PCDH15: variants seen among roughly 807,000 people sequenced by gnomAD.
PCDH15 encodes protocadherin-15.
Under a neutral mutation model 178.5 loss-of-function variants are expected in PCDH15, and 129 were observed. The ratio of observed to expected loss-of-function variants is 0.72; its 90% confidence interval spans 0.63 to 0.84. The LOEUF (loss-of-function observed/expected upper bound fraction) is 0.84, where lower values mean the gene tolerates loss of function less well. PCDH15 is among the 40% of genes least tolerant of loss of function. The pLI, the probability that PCDH15 is intolerant of heterozygous loss-of-function variation, is 0.00. For missense variants in PCDH15, 2,230 were observed against 2,099.9 expected (o/e 1.06, Z -1.21); for synonymous variants, 800 against 732.0 (o/e 1.09, Z -1.50).
chr10:54,528,279 T>C (rs1375901308), intron 2 of PCDH15: 2 of 1,046,812 alleles, frequency 1.9e-6, no homozygotes, highest in Non-Finnish European at 2.9e-6. Context: ...ATAAAGGGTC[T>C]AATTAGAGAG....
At chr10:54,483,693 A>AT (rs577619006) in intron 3 of PCDH15, among the ~76,000 whole-genome samples, 4 of 151,388 alleles carry the variant, frequency 2.6e-5, no homozygotes, top group South Asian at 4.2e-4. Flanking sequence ...TGTCCACTCC[A>AT]TTTTTTTTCT....
chr10:55,097,434 A>T (rs1591900759), intron 2 of PCDH15, among the ~76,000 whole-genome samples: 1 of 152,236 alleles, frequency 6.6e-6, no homozygotes, highest in Non-Finnish European at 1.5e-5. Flanking sequence ...ACATTGAACC[A>T]TTAAACTGTA....
At chr10:54,841,573 A>G (rs1953418172) in intron 3 of PCDH15, among the ~76,000 whole-genome samples, 1 of 151,700 alleles carries the variant, frequency 6.6e-6, no homozygotes, top group African/African-American at 2.4e-5. Flanking sequence ...AATAATATAA[A>G]GACAAAAAAG....
At chr10:54,528,464 A>T in intron 2 of PCDH15, 1 of 1,310,888 alleles carries the variant, frequency 7.6e-7, no homozygotes, top group Non-Finnish European at 1.1e-6. Flanking sequence ...GAAAGAAAGG[A>T]AGAGAGAATA....
chr10:54,709,682 G>A (rs1224966730), intron 1 of PCDH15, among the ~76,000 whole-genome samples: 1 of 40,018 alleles, frequency 2.5e-5, no homozygotes, highest in East Asian at 3.2e-4. Context: ...TGGGAGTAAT[G>A]TGTGTGTGTG....
At chr10:54,620,686 T>A (rs1205530381) in intron 2 of PCDH15, among the ~76,000 whole-genome samples, 2 of 152,200 alleles carry the variant, frequency 1.3e-5, no homozygotes, top group East Asian at 3.9e-4. Flanking sequence ...ATGACAATCA[T>A]AATAGTCTAA....
intron 2 of PCDH15, among the ~76,000 whole-genome samples, chr10:55,411,806 G>A (rs1565111610): frequency 6.6e-6 from 1 of 151,930 alleles, no homozygotes. Flanking sequence ...TATGTCTTAG[G>A]CATAATTTGT....
intron 2 of PCDH15, among the ~76,000 whole-genome samples, chr10:55,140,122 G>A (rs532416282): frequency 6.6e-6 from 1 of 151,982 alleles, no homozygotes; most frequent in African/African-American, 2.4e-5. Context: ...TTGGTCTCCT[G>A]TGACGTTACT....
intron 2 of PCDH15, among the ~76,000 whole-genome samples, chr10:55,500,273 T>C (rs1840626392): frequency 6.6e-6 from 1 of 151,790 alleles, no homozygotes; most frequent in Non-Finnish European, 1.5e-5. Flanking sequence ...TTGACCAAAG[T>C]ATTGAAATTC....
chr10:54,879,920 A>G (rs1314919920), intron 3 of PCDH15, among the ~76,000 whole-genome samples: 3 of 152,082 alleles, frequency 2.0e-5, no homozygotes, highest in African/African-American at 7.2e-5. Context: ...ATTTTTCCAT[A>G]TTAGCTTCAA....
chr10:55,606,462 A>G (rs966172877), intron 2 of PCDH15, among the ~76,000 whole-genome samples: 2 of 151,252 alleles, frequency 1.3e-5, no homozygotes, highest in African/African-American at 4.9e-5. Flanking sequence ...CAAAAGAACA[A>G]AGCTGGAGGC....
At chr10:54,880,607 T>C (rs1042415090) in intron 3 of PCDH15, among the ~76,000 whole-genome samples, 3 of 150,648 alleles carry the variant, frequency 2.0e-5, no homozygotes, top group Non-Finnish European at 4.4e-5. Flanking sequence ...TCACTAAGGT[T>C]AAAAAAAAAC....
At chr10:54,554,625 GA>G (rs2086970755) in intron 2 of PCDH15, among the ~76,000 whole-genome samples, 1 of 152,090 alleles carries the variant, frequency 6.6e-6, no homozygotes, top group Non-Finnish European at 1.5e-5. Context: ...TATAAAAAGA[GA>G]AAGAATGAAT....
At chr10:54,617,844 G>T (rs908690538) in intron 2 of PCDH15, among the ~76,000 whole-genome samples, 4 of 149,618 alleles carry the variant, frequency 2.7e-5, no homozygotes, top group African/African-American at 7.4e-5. Context: ...AGAATTTCTT[G>T]AACCCGGGAG....
intron 18 of PCDH15, among the ~76,000 whole-genome samples, chr10:54,032,024 G>A (rs1438671850): frequency 6.6e-6 from 1 of 150,832 alleles, no homozygotes; most frequent in African/African-American, 2.4e-5. Flanking sequence ...TTTATGTGAT[G>A]GTAAAAAAAA....
intron 2 of PCDH15, among the ~76,000 whole-genome samples, chr10:55,159,634 A>G (rs1839006345): frequency 6.8e-6 from 1 of 147,998 alleles, no homozygotes; most frequent in East Asian, 1.9e-4. Context: ...TATCTTAAAG[A>G]GATATATATA....
At chr10:55,078,834 C>A (rs1389568845) in intron 2 of PCDH15, among the ~76,000 whole-genome samples, 1 of 151,938 alleles carries the variant, frequency 6.6e-6, no homozygotes, top group Non-Finnish European at 1.5e-5. Flanking sequence ...CCTTTGTGTT[C>A]TCATAGCTTA....
intron 18 of PCDH15, among the ~76,000 whole-genome samples, chr10:54,051,863 G>C (rs542697707): frequency 9.8e-4 from 149 of 151,358 alleles, no homozygotes; most frequent in African/African-American, 3.5e-3. Flanking sequence ...CCACTATGCA[G>C]CCTCAGTACA....
chr10:54,105,319 C>T (rs868304262), intron 15 of PCDH15, among the ~76,000 whole-genome samples: 96 of 79,912 alleles, frequency 1.2e-3, no homozygotes, highest in African/African-American at 5.6e-3. Flanking sequence ...TATATATATA[C>T]ACACACACAT....
Sources: gnomAD v4.1 joint callset for allele counts (sites outside exome capture counted in the v4.1 genomes callset) on GRCh38, gnomAD v4.1.1 for gene constraint, MANE v1.5 for transcripts, NCBI Gene and HGNC (gene_info 2026-07-23, HGNC 2026-07-21) for gene names.